Variants in AEN observed in about 807,000 individuals in gnomAD.
AEN encodes the protein apoptosis-enhancing nuclease.
Under a neutral mutation model 17.7 loss-of-function variants are expected in AEN, and 21 were observed. That is an observed-to-expected ratio of 1.19 (90% CI 0.84 to 1.71). The LOEUF is 1.71. Among genes scored for constraint, AEN ranks in the 40% most tolerant of loss-of-function variants. The probability of loss-of-function intolerance (pLI) is 0.00; values close to 1 mark genes in which losing one functional copy is unlikely to be tolerated. For missense variants in AEN, 462 were observed against 435.9 expected (o/e 1.06, Z -0.53); for synonymous variants, 190 against 173.0 (o/e 1.10, Z -0.77).
At chr15:88,626,007 A>G in intron 1 of AEN, 139 bp from the exon 2 acceptor site, 2 of 557,196 alleles carry the variant, frequency 3.6e-6, no homozygotes, top group Non-Finnish European at 3.0e-6. Context: ...TGGGTCCTCA[A>G]CTCAATCTGG....
chr15:88,624,883 C>CACAAAAAAAAAA (rs1555437162), intron 1 of AEN, among the ~76,000 whole-genome samples: 1 of 148,678 alleles, frequency 6.7e-6, no homozygotes, highest in Non-Finnish European at 1.5e-5. Context: ...AACTCCGCCT[C>CACAAAAAAAAAA]AAAAAATGCC....
At chr15:88,623,647 G>T (rs2057815292) in intron 1 of AEN, among the ~76,000 whole-genome samples, 1 of 152,218 alleles carries the variant, frequency 6.6e-6, no homozygotes, top group African/African-American at 2.4e-5. Flanking sequence ...ACAGAGGGAT[G>T]AATTTCTTTG....
At chr15:88,621,320 A>T (rs889875859), upstream of AEN, 3 of 152,364 alleles carry the variant, frequency 2.0e-5, no homozygotes, top group South Asian at 2.1e-4. Context: ...TTGCCCGGGC[A>T]TGTGGGAGCT....
Position 88,626,538 on chromosome 15 carries a change from G to T in AEN, c.329G>T (p.Cys110Phe). The part of the protein sequence containing the change: ...GKASGPLPSK[C>F]VAIDCEMVGT... ...GCCTCAGGGCCCTTGCCCAGCAAGT[G>T]TGTGGCTATCGACTGTGAGATGGTG... The change falls in exon 2 of 4, where the codon TGT becomes TTT. Residue 110 changes from cysteine (C) to phenylalanine (F), a missense_variant. Coordinates refer to ENST00000332810, the MANE Select transcript of AEN (RefSeq NM_022767.4). 6.2e-7 allele frequency: 1 copy of T among 1,614,202 alleles called. No individual in the cohort carries two copies. Among genetic ancestry groups the T allele is most frequent in the Non-Finnish European group, 8.5e-7 (1 of 1,180,052 alleles).
intron 1 of AEN, among the ~76,000 whole-genome samples, chr15:88,623,585 A>T (rs1460441230): frequency 6.6e-6 from 1 of 152,194 alleles, no homozygotes; most frequent in East Asian, 1.9e-4. Context: ...TGTGTGTACC[A>T]ATGGACTTTG....
rs537377773 is a variant in AEN, at chr15:88,630,174, G to C, written c.858G>C (p.Glu286Asp). Residue 286 changes from glutamate to aspartate, a missense_variant, in exon 4 of 4, where the codon GAG (glutamate) becomes GAC (aspartate). Transcript: ENST00000332810. This position sits in a 1 kb window ranked among gnomAD's most constrained non-coding sequence, Gnocchi z 5.1. ...CCCGCAGCCTCTGGACCTGCCCCGA[G>C]GACAGAGAACCTGACAGCAGCACAG... ...QEARSLWTCP[E>D]DREPDSSTDM... 6 of 1,613,790 alleles carry C rather than the reference G, an allele frequency of 3.7e-6. No individual in the cohort carries two copies. Among genetic ancestry groups the C allele is most frequent in the African/African-American group, 1.3e-5 (1 of 75,042 alleles).
At chr15:88,607,981 T>C in the AEN span, 7 of 349,100 alleles carry the variant, frequency 2.0e-5, no homozygotes, top group South Asian at 1.8e-4. Context: ...GGGGCAGCTA[T>C]CATTGATCAC....
chr15:88,609,895 C>T, the AEN span, among the ~76,000 whole-genome samples: 3 of 152,202 alleles, frequency 2.0e-5, no homozygotes, highest in Non-Finnish European at 4.4e-5. Flanking sequence ...TCATTTATCA[C>T]GGGCCAGGCT....
chr15:88,616,949 A>G (rs900219115), upstream of AEN, among the ~76,000 whole-genome samples: 2 of 152,204 alleles, frequency 1.3e-5, no homozygotes, highest in Non-Finnish European at 2.9e-5. Flanking sequence ...CAACTTGTGA[A>G]TTATAGTGGG....
At chr15:88,605,702 C>T in the AEN span, among the ~76,000 whole-genome samples, 1 of 152,226 alleles carries the variant, frequency 6.6e-6, no homozygotes, top group Non-Finnish European at 1.5e-5. This position sits in a 1 kb window ranked among gnomAD's most constrained non-coding sequence, Gnocchi z 7.6. Flanking sequence ...CCTTTCCACT[C>T]GGCAGACCAA....
At chr15:88,619,409 G>A (rs2057763122), upstream of AEN, among the ~76,000 whole-genome samples, 1 of 152,144 alleles carries the variant, frequency 6.6e-6, no homozygotes, top group Non-Finnish European at 1.5e-5. Flanking sequence ...ACTCTCCTTG[G>A]TTGGGTGTGG....
the AEN span, among the ~76,000 whole-genome samples, chr15:88,616,132 C>T: frequency 1.3e-5 from 2 of 150,124 alleles, no homozygotes; most frequent in Admixed American, 6.7e-5. Flanking sequence ...CTTGCTCTGT[C>T]ATCCAGGCTG....
chr15:88,621,047 C>T (rs944347154), upstream of AEN, among the ~76,000 whole-genome samples: 3 of 152,190 alleles, frequency 2.0e-5, no homozygotes, highest in Non-Finnish European at 2.9e-5. Flanking sequence ...GCCCACATCC[C>T]GACCCAGGTA....
Position 88,632,046 on chromosome 15 carries a change from C to T in AEN, c.*1752C>T, listed in dbSNP as rs2057935836. The T allele has an allele frequency of 6.6e-6, 1 of 152,262 alleles. No homozygotes were observed. Among genetic ancestry groups the T allele is most frequent in the Non-Finnish European group, 1.5e-5 (1 of 68,074 alleles). 9.4% of individuals were successfully genotyped at this position (152,262 alleles called of 1,614,324 possible). On this transcript the variant is annotated 3_prime_UTR_variant, in exon 4 of 4. Coordinates refer to ENST00000332810, the MANE Select transcript of AEN (RefSeq NM_022767.4). ...GTCACTGGCTCCCTCCCTGTCAGCA[C>T]AGCACAGAGGAAGGGGCTAACTGAA... is the stretch of plus-strand genomic sequence containing the variant.
the AEN span, among the ~76,000 whole-genome samples, chr15:88,606,595 G>C: frequency 2.0e-5 from 3 of 152,290 alleles, no homozygotes; most frequent in East Asian, 5.8e-4. Flanking sequence ...CCTGCCTCCT[G>C]TTGCCTTGGT....
At chr15:88,609,902 G>T in the AEN span, among the ~76,000 whole-genome samples, 548 of 152,304 alleles carry the variant, frequency 3.6e-3, 4 homozygotes, top group African/African-American at 0.013. Context: ...TCACGGGCCA[G>T]GCTGTGCGCG....
the AEN span, among the ~76,000 whole-genome samples, chr15:88,608,555 A>G: frequency 1.3e-5 from 2 of 152,214 alleles, no homozygotes; most frequent in Non-Finnish European, 2.9e-5. Context: ...TTTGGAGATG[A>G]AGATGGAAAG....
upstream of AEN, among the ~76,000 whole-genome samples, chr15:88,618,083 CT>C (rs1264716742): frequency 6.6e-6 from 1 of 152,120 alleles, no homozygotes; most frequent in African/African-American, 2.4e-5. Context: ...AAGAAAATCC[CT>C]TTTTGCCTAC....
upstream of AEN, among the ~76,000 whole-genome samples, chr15:88,620,064 ATC>A (rs1227957335): frequency 5.3e-5 from 8 of 152,126 alleles, no homozygotes; most frequent in Non-Finnish European, 1.0e-4. Flanking sequence ...AAAAGGATTG[ATC>A]TCTCTTGTGA....
Sources: allele counts gnomAD v4.1 joint callset (sites outside exome capture counted in the v4.1 genomes callset), GRCh38; gene constraint gnomAD v4.1.1; non-coding constraint Gnocchi (gnomAD v3.1); transcripts MANE v1.5; gene names NCBI Gene and HGNC (gene_info 2026-07-23, HGNC 2026-07-21).